Variants in PRLR observed in about 807,000 individuals in gnomAD.
The protein encoded by PRLR is prolactin receptor.
A neutral mutation model predicts 40.2 loss-of-function variants in PRLR; 13 were observed. The observed-to-expected ratio is 0.32, with a 90% CI of 0.21 to 0.51. The LOEUF (loss-of-function observed/expected upper bound fraction) is 0.51, where lower values mean the gene tolerates loss of function less well. PRLR is among the 20% of genes least tolerant of loss of function. The pLI is 0.97. For missense variants in PRLR, 656 were observed against 747.3 expected (o/e 0.88, Z 1.42); for synonymous variants, 269 against 278.7 (o/e 0.97, Z 0.35).
At chr5:35,192,011 G>C (rs1034662875) in intron 1 of PRLR, among the ~76,000 whole-genome samples, 4 of 152,202 alleles carry the variant, frequency 2.6e-5, no homozygotes, top group African/African-American at 9.7e-5. Flanking sequence ...CCGCCCAGTT[G>C]GGTTCCAGGC....
chr5:35,060,038 T>C lies in PRLR; in HGVS notation c.*5051A>G, dbSNP rs1327754177. The C allele has an allele frequency of 6.6e-6, 1 of 152,222 alleles. No individual in the cohort carries two copies. The highest frequency in any genetic ancestry group is 1.5e-5 in the Non-Finnish European group (1 of 68,046). The allele number at this position is 152,222 out of a possible 1,614,324, so 9.4% of individuals were successfully genotyped here. A position where few individuals can be genotyped will look rare whatever the true frequency, so the allele number is the denominator to read the frequency against. On this transcript the variant is annotated 3_prime_UTR_variant, in exon 10 of 10. Transcript: ENST00000618457. ...TTGTAGAGACTGGGTCTTACTATGT[T>C]GCGTAGGCTGGGCATGGATTTATTA...
At chr5:35,050,032 C>T (rs910815734) in intron 8 of PRLR, among the ~76,000 whole-genome samples, 27 of 151,934 alleles carry the variant, frequency 1.8e-4, no homozygotes, top group African/African-American at 5.3e-4. Context: ...CTCAGCCTCC[C>T]AAGTAGCTGG....
chr5:35,185,574 G>T (rs537788735), intron 1 of PRLR, among the ~76,000 whole-genome samples: 1 of 152,110 alleles, frequency 6.6e-6, no homozygotes, highest in Non-Finnish European at 1.5e-5. Context: ...CCATGGCAAC[G>T]TACTTCTAAA....
At chr5:35,142,765 G>A (rs1774061248) in intron 1 of PRLR, among the ~76,000 whole-genome samples, 1 of 152,204 alleles carries the variant, frequency 6.6e-6, no homozygotes, top group Non-Finnish European at 1.5e-5. Flanking sequence ...TGGTGGTGAG[G>A]TTACAGAATA....
At chr5:35,141,053 T>A (rs910196342) in intron 1 of PRLR, among the ~76,000 whole-genome samples, 2 of 152,124 alleles carry the variant, frequency 1.3e-5, no homozygotes, top group East Asian at 3.9e-4. Context: ...AGCTGGCCCT[T>A]GATTTTGCCT....
At chr5:35,153,537 G>A (rs1774398225) in intron 1 of PRLR, among the ~76,000 whole-genome samples, 1 of 152,172 alleles carries the variant, frequency 6.6e-6, no homozygotes, top group Non-Finnish European at 1.5e-5. Flanking sequence ...CAGTGACACT[G>A]AAATGATTGG....
intron 5 of PRLR, among the ~76,000 whole-genome samples, chr5:35,075,415 C>G (rs550774900): frequency 6.6e-6 from 1 of 152,200 alleles, no homozygotes; most frequent in Non-Finnish European, 1.5e-5. Context: ...CAGAGGGTCC[C>G]AAGCCCATGG....
chr5:35,132,414 TA>T (rs1250149372), intron 1 of PRLR, among the ~76,000 whole-genome samples: 3 of 152,146 alleles, frequency 2.0e-5, no homozygotes, highest in African/African-American at 7.2e-5. Flanking sequence ...TTATTTTATT[TA>T]AAAAAATCCC....
At chr5:35,119,621 G>A (rs980137072) in intron 1 of PRLR, among the ~76,000 whole-genome samples, 3 of 152,080 alleles carry the variant, frequency 2.0e-5, no homozygotes, top group East Asian at 1.9e-4. Flanking sequence ...TCTCCATAGG[G>A]TGCAGTGACA....
In PRLR at chr5:35,065,335, C is replaced by G. The variant is rs192521410; in HGVS notation, c.1623G>C (p.Glu541Asp). ...SGKPKKPGTPENNKEYAKVSG... is the reference protein window; with the variant it reads ...SGKPKKPGTPDNNKEYAKVSG... ...ACACCTTGGCATACTCCTTATTGTT[C>G]TCAGGAGTCCCGGGCTTCTTGGGCT... The change falls in exon 10 of 10, where the codon GAG (glutamate) becomes GAC (aspartate). Residue 541 changes from glutamate (E) to aspartate (D), a missense_variant. This residue lies in a region of PRLR where 469 missense variants were observed against 491.5 expected (regional missense o/e 0.95). Transcript: ENST00000618457. The G allele has an allele frequency of 4.2e-5, 68 of 1,614,140 alleles. No homozygotes were observed. Among genetic ancestry groups the G allele is most frequent in the Non-Finnish European group, 5.3e-5 (63 of 1,180,010 alleles).
intron 2 of PRLR, among the ~76,000 whole-genome samples, chr5:35,102,292 T>C (rs910100654): frequency 6.6e-6 from 1 of 152,156 alleles, no homozygotes; most frequent in African/African-American, 2.4e-5. Context: ...CAAGGCTTGT[T>C]GCCAAAATCA....
At chr5:35,146,209 C>T (rs2111842134) in intron 1 of PRLR, among the ~76,000 whole-genome samples, 1 of 152,290 alleles carries the variant, frequency 6.6e-6, no homozygotes, top group Admixed American at 6.5e-5. Flanking sequence ...ACTGCACTAG[C>T]TGTCAGGGTG....
At chr5:35,224,225 C>T (rs1220031110) in intron 1 of PRLR, among the ~76,000 whole-genome samples, 1 of 152,202 alleles carries the variant, frequency 6.6e-6, no homozygotes, top group African/African-American at 2.4e-5. Context: ...TGTACTTTCT[C>T]CCTGCATGTG....
intron 1 of PRLR, among the ~76,000 whole-genome samples, chr5:35,156,140 CA>C (rs74414532): frequency 2.8e-4 from 38 of 134,590 alleles, no homozygotes; most frequent in Middle Eastern, 3.9e-3. Context: ...AAAAAAAAAA[CA>C]AAAAAAAAAA....
chr5:35,116,356 T>C (rs570292088), intron 2 of PRLR, among the ~76,000 whole-genome samples: 2 of 152,164 alleles, frequency 1.3e-5, no homozygotes, highest in African/African-American at 4.8e-5. Context: ...CTCTTTAGAG[T>C]GGTGACCTGT....
chr5:35,204,820 A>G (rs1392287340), intron 1 of PRLR, among the ~76,000 whole-genome samples: 1 of 152,160 alleles, frequency 6.6e-6, no homozygotes, highest in Non-Finnish European at 1.5e-5. Context: ...CACCTGATAC[A>G]ACATGGGGTC....
intron 2 of PRLR, among the ~76,000 whole-genome samples, chr5:35,104,447 G>A (rs1180991915): frequency 6.6e-6 from 1 of 152,136 alleles, no homozygotes; most frequent in African/African-American, 2.4e-5. Flanking sequence ...GAAGTGTAAG[G>A]GGTCGGGAAA....
rs13175770 is a variant in PRLR, at chr5:35,090,760, G to A, written c.-43-1097C>T. On this transcript the variant is annotated intron_variant, in intron 2 of 9. Transcript: ENST00000618457. ...ATGGAGAAACGATAGCAACAGTAGA[G>A]GTTTGGGCACCCAGGTACCATCAAT... Among the ~76,000 whole-genome samples, 790 of 145,762 alleles carry A rather than the reference G, an allele frequency of 5.4e-3. 8 individuals are homozygous for A. The highest frequency in any genetic ancestry group is 0.03 in the Middle Eastern group (8 of 270).
chr5:35,085,621 A>C (rs1770800147), intron 4 of PRLR, among the ~76,000 whole-genome samples: 1 of 152,206 alleles, frequency 6.6e-6, no homozygotes, highest in Non-Finnish European at 1.5e-5. Context: ...TTGAACATGA[A>C]ACAAGTTTGA....
Sources: gnomAD v4.1 joint callset for allele counts (sites outside exome capture counted in the v4.1 genomes callset) on GRCh38, gnomAD v4.1.1 for gene constraint, gnomAD v4.1.1 regional missense constraint, MANE v1.5 for transcripts, NCBI Gene and HGNC (gene_info 2026-07-23, HGNC 2026-07-21) for gene names.